The following ADGRL4 variants were observed in gnomAD, a reference collection of about 807,000 sequenced individuals.
ADGRL4 encodes adhesion G protein-coupled receptor L4.
ADGRL4 carries 90 observed loss-of-function variants against 74.8 expected under a neutral mutation model. That is an observed-to-expected ratio of 1.20 (90% CI 1.02 to 1.43). ADGRL4 has a LOEUF of 1.43. Ranked by LOEUF, ADGRL4 falls within the 40% of genes most tolerant of loss-of-function variation. The pLI, the probability that ADGRL4 is intolerant of heterozygous loss-of-function variation, is 0.00. For missense variants in ADGRL4, 881 were observed against 814.3 expected, an observed-to-expected ratio of 1.08 and a Z score of -1.00; for synonymous variants, 311 against 279.2, an observed-to-expected ratio of 1.11 and a Z score of -1.14.
chr1:78,907,490 G>C (rs1434152027), intron 12 of ADGRL4, among the ~76,000 whole-genome samples: 2 of 151,910 alleles, frequency 1.3e-5, no homozygotes, highest in East Asian at 3.9e-4. Flanking sequence ...GTACTCCTTT[G>C]AGAAGACAGA....
chr1:78,968,038 C>T (rs1018107623), intron 2 of ADGRL4, among the ~76,000 whole-genome samples: 2 of 152,096 alleles, frequency 1.3e-5, no homozygotes, highest in African/African-American at 4.8e-5. Context: ...TGTTTAGGTA[C>T]ATGAGATTGC....
At chr1:78,938,519 A>C (rs1328201707) in intron 4 of ADGRL4, among the ~76,000 whole-genome samples, 1 of 92,934 alleles carries the variant, frequency 1.1e-5, no homozygotes, top group Non-Finnish European at 2.4e-5. Flanking sequence ...AGCATGTTTG[A>C]ATTAATAATT....
At chr1:78,968,821 T>G (rs1650111933) in intron 2 of ADGRL4, among the ~76,000 whole-genome samples, 1 of 152,216 alleles carries the variant, frequency 6.6e-6, no homozygotes. Flanking sequence ...TATCTGGTTT[T>G]AATCCTTTTC....
intron 8 of ADGRL4, among the ~76,000 whole-genome samples, chr1:78,924,331 A>G (rs1258493098): frequency 2.6e-5 from 4 of 152,072 alleles, no homozygotes; most frequent in African/African-American, 9.7e-5. Flanking sequence ...AGCTTAAAAA[A>G]TTGACCTTCT....
At chr1:78,964,871 T>C (rs1650022734) in intron 2 of ADGRL4, among the ~76,000 whole-genome samples, 1 of 152,212 alleles carries the variant, frequency 6.6e-6, no homozygotes, top group Non-Finnish European at 1.5e-5. Context: ...ATGACTGTGA[T>C]AGCATTATTT....
intron 2 of ADGRL4, among the ~76,000 whole-genome samples, chr1:78,987,901 T>C (rs1650530378): frequency 6.6e-6 from 1 of 151,718 alleles, no homozygotes; most frequent in African/African-American, 2.4e-5. Flanking sequence ...CTCTATTGTC[T>C]TTTTTTAATA....
intron 9 of ADGRL4, 143 bp from the exon 10 acceptor site, chr1:78,920,529 T>A: frequency 1.6e-6 from 1 of 608,160 alleles, no homozygotes; most frequent in Non-Finnish European, 2.8e-6. Flanking sequence ...TGCATTTAGA[T>A]GAGAAAAATT....
chr1:78,942,563 T>G (rs1404463409), intron 3 of ADGRL4, among the ~76,000 whole-genome samples: 1 of 152,152 alleles, frequency 6.6e-6, no homozygotes, highest in East Asian at 1.9e-4. Flanking sequence ...CACTACCAAC[T>G]TATTTGATTT....
intron 12 of ADGRL4, among the ~76,000 whole-genome samples, chr1:78,911,392 T>C (rs1648758817): frequency 6.6e-6 from 1 of 151,878 alleles, no homozygotes; most frequent in African/African-American, 2.4e-5. Context: ...ACTTATATTG[T>C]GTCTTTATTC....
chr1:78,995,664 T>C (rs1335700950), intron 2 of ADGRL4, among the ~76,000 whole-genome samples: 1 of 152,192 alleles, frequency 6.6e-6, no homozygotes, highest in African/African-American at 2.4e-5. Context: ...GCCCAAGAAT[T>C]AGTTGAACTG....
Position 78,935,104 on chromosome 1 carries a change from C to A in ADGRL4, c.877+1191G>T, listed in dbSNP as rs576752017. Reference sequence around the variant, plus strand: ...ATTCTACTATAAATACACATGGGCACGTATGTTTATTGCAGCACTATTTAC... The same window carrying A: ...ATTCTACTATAAATACACATGGGCAAGTATGTTTATTGCAGCACTATTTAC... On this transcript the variant is annotated intron_variant, in intron 7 of 14. Transcript: ENST00000370742. Among the ~76,000 whole-genome samples, 154 of 152,184 alleles carry A rather than the reference C, an allele frequency of 1.0e-3. 1 individual carries two copies. Among genetic ancestry groups the A allele is most frequent in the Admixed American group, 2.9e-3 (45 of 15,272 alleles).
intron 2 of ADGRL4, among the ~76,000 whole-genome samples, chr1:78,959,303 T>A (rs1047015481): frequency 7.9e-5 from 12 of 152,256 alleles, no homozygotes; most frequent in South Asian, 2.1e-4. Flanking sequence ...GAAACTAAAA[T>A]TAAAATAGAA....
At chr1:78,915,798 A>G (rs1279022312) in intron 12 of ADGRL4, among the ~76,000 whole-genome samples, 1 of 151,984 alleles carries the variant, frequency 6.6e-6, no homozygotes, top group Admixed American at 6.6e-5. Flanking sequence ...ATAGCTGAAT[A>G]ATAATAGTAA....
intron 8 of ADGRL4, among the ~76,000 whole-genome samples, chr1:78,923,575 C>A (rs1033354689): frequency 1.3e-4 from 20 of 151,702 alleles, no homozygotes; most frequent in Non-Finnish European, 2.7e-4. Flanking sequence ...GACAGGGAAC[C>A]AAGATGAACA....
intron 10 of ADGRL4, among the ~76,000 whole-genome samples, chr1:78,919,398 C>T (rs1648949309): frequency 6.6e-6 from 1 of 151,896 alleles, no homozygotes; most frequent in Admixed American, 6.6e-5. Flanking sequence ...AAAAGGATTC[C>T]TCTTACAAAG....
intron 8 of ADGRL4, among the ~76,000 whole-genome samples, chr1:78,926,161 A>G (rs1649110339): frequency 6.6e-6 from 1 of 152,062 alleles, no homozygotes. Flanking sequence ...TGCAAATATA[A>G]TTGCTCAACT....
chr1:79,002,268 G>C (rs532952600), intron 2 of ADGRL4, among the ~76,000 whole-genome samples: 1 of 152,126 alleles, frequency 6.6e-6, no homozygotes, highest in Non-Finnish European at 1.5e-5. Flanking sequence ...CATCTCAAAA[G>C]TTTTCAAATT....
intron 2 of ADGRL4, among the ~76,000 whole-genome samples, chr1:78,947,472 C>G (rs944167175): frequency 1.3e-5 from 2 of 152,182 alleles, no homozygotes; most frequent in Non-Finnish European, 2.9e-5. Flanking sequence ...AGGAAGGATT[C>G]TTCCCTAGAC....
intron 2 of ADGRL4, among the ~76,000 whole-genome samples, chr1:78,960,946 G>A (rs2100708062): frequency 1.3e-5 from 2 of 152,204 alleles, no homozygotes; most frequent in South Asian, 4.1e-4. Context: ...CAGTGAAAAT[G>A]AAAAAGACAA....
Sources: gnomAD v4.1 joint callset for allele counts (sites outside exome capture counted in the v4.1 genomes callset) on GRCh38, gnomAD v4.1.1 for gene constraint, MANE v1.5 for transcripts, NCBI Gene and HGNC (gene_info 2026-07-23, HGNC 2026-07-21) for gene names.